The following TRIM44 variants were observed in gnomAD, a reference collection of about 807,000 sequenced individuals.
The protein encoded by TRIM44 is tripartite motif-containing protein 44.
In TRIM44, 13 loss-of-function variants were observed where a neutral mutation model predicts 37.4. That is an observed-to-expected ratio of 0.35 (90% CI 0.23 to 0.55). The LOEUF (loss-of-function observed/expected upper bound fraction) is 0.55, where lower values mean the gene tolerates loss of function less well. Ranked by LOEUF, TRIM44 falls within the 20% of genes least tolerant of loss-of-function variation. The probability of loss-of-function intolerance (pLI) is 0.89; values close to 1 mark genes in which losing one functional copy is unlikely to be tolerated. For synonymous variants in TRIM44, 175 were observed against 157.2 expected, an observed-to-expected ratio of 1.11 and a Z score of -0.85; for missense variants, 426 against 437.2, an observed-to-expected ratio of 0.97 and a Z score of 0.23.
At chr11:35,742,461 A>G (rs1191307363) in intron 4 of TRIM44, among the ~76,000 whole-genome samples, 1 of 136,578 alleles carries the variant, frequency 7.3e-6, no homozygotes, top group African/African-American at 2.8e-5. Context: ...TATATTAATT[A>G]CAATTAATAT....
intron 4 of TRIM44, among the ~76,000 whole-genome samples, chr11:35,764,612 G>A (rs1852769499): frequency 6.6e-6 from 1 of 152,240 alleles, no homozygotes; most frequent in Non-Finnish European, 1.5e-5. Context: ...GGCAGAACCC[G>A]TTCGGCATCA....
intron 3 of TRIM44, among the ~76,000 whole-genome samples, chr11:35,733,314 C>G (rs1852287496): frequency 6.6e-6 from 1 of 152,074 alleles, no homozygotes; most frequent in Non-Finnish European, 1.5e-5. Context: ...GGAGGACTTG[C>G]TCTAAATTAT....
At chr11:35,696,634 G>A (rs756671594) in intron 2 of TRIM44, among the ~76,000 whole-genome samples, 1 of 151,352 alleles carries the variant, frequency 6.6e-6, no homozygotes, top group Non-Finnish European at 1.5e-5. Flanking sequence ...GGATCACGAG[G>A]TCAAGAGATC....
intron 1 of TRIM44, among the ~76,000 whole-genome samples, chr11:35,676,389 C>A (rs77521176): frequency 7.9e-5 from 12 of 152,332 alleles, no homozygotes; most frequent in Non-Finnish European, 1.6e-4. Context: ...TCCCCCTCTC[C>A]TTCTGTTCCT....
chr11:35,696,521 CT>C (rs993290120), intron 2 of TRIM44, among the ~76,000 whole-genome samples: 1 of 152,036 alleles, frequency 6.6e-6, no homozygotes, highest in East Asian at 1.9e-4. Context: ...TGTCTCTTGT[CT>C]TTCCCCCAGC....
intron 4 of TRIM44, among the ~76,000 whole-genome samples, chr11:35,797,977 A>C (rs1277342647): frequency 1.3e-5 from 2 of 152,236 alleles, no homozygotes; most frequent in Non-Finnish European, 2.9e-5. Flanking sequence ...CACACCCATG[A>C]CACAGCCTCA....
intron 4 of TRIM44, among the ~76,000 whole-genome samples, chr11:35,754,715 G>A (rs995306698): frequency 1.4e-5 from 2 of 142,928 alleles, no homozygotes; most frequent in Non-Finnish European, 3.0e-5. Flanking sequence ...CCATGAGTTC[G>A]CATTGTTCAA....
intron 4 of TRIM44, among the ~76,000 whole-genome samples, chr11:35,763,730 C>CT (rs1481203205): frequency 1.3e-5 from 2 of 152,200 alleles, no homozygotes; most frequent in Admixed American, 1.3e-4. Flanking sequence ...CATTTGTCTG[C>CT]TTCTATTGGG....
intron 4 of TRIM44, among the ~76,000 whole-genome samples, chr11:35,783,770 C>A: frequency 6.6e-6 from 1 of 152,146 alleles, no homozygotes; most frequent in East Asian, 1.9e-4. Context: ...GGAGGTAATT[C>A]ACTATGCCTA....
chr11:35,812,952 T>C lies in TRIM44; in HGVS notation c.*6567T>C, dbSNP rs144191764. The stretch of plus-strand genomic sequence containing the variant: ...CAACGAGAGGCAAAACCATGTCTTC[T>C]TTTGCTATAGCGTTAGAATCCTGAA... On this transcript the variant is annotated 3_prime_UTR_variant, in exon 5 of 5. Transcript: ENST00000299413. The C allele has an allele frequency of 5.9e-5, 9 of 152,324 alleles. No individual in the cohort carries two copies. The highest frequency in any genetic ancestry group is 1.9e-4 in the African/African-American group (8 of 41,564). The allele number at this position is 152,324 out of a possible 1,614,324, so 9.4% of individuals were successfully genotyped here.
rs1853514339 is a variant in TRIM44, at chr11:35,810,390, T to G, written c.*4005T>G. The G allele has an allele frequency of 1.3e-5, 2 of 152,122 alleles. No individual in the cohort carries two copies. The highest frequency in any genetic ancestry group is 1.5e-5 in the Non-Finnish European group (1 of 68,024). 9.4% of individuals were successfully genotyped at this position (152,122 alleles called of 1,614,324 possible). On this transcript the variant is annotated 3_prime_UTR_variant, in exon 5 of 5. Coordinates refer to ENST00000299413, the MANE Select transcript of TRIM44 (RefSeq NM_017583.6). ...CATCAGATTTTTATGTTTAAAAAAATCTCATTATGGATTGAGTCCAGCCCA... is the reference window on the plus strand; with the variant it reads ...CATCAGATTTTTATGTTTAAAAAAAGCTCATTATGGATTGAGTCCAGCCCA...
At chr11:35,704,575 C>G (rs888236935) in intron 2 of TRIM44, among the ~76,000 whole-genome samples, 1 of 152,170 alleles carries the variant, frequency 6.6e-6, no homozygotes. Context: ...GGCAGAAACT[C>G]TACAAGCCAG....
rs916843196 is a variant in TRIM44, at chr11:35,813,421, G to T, written c.*7036G>T. 1 of 152,124 alleles carries T rather than the reference G, an allele frequency of 6.6e-6. No individual in the cohort carries two copies. The highest frequency in any genetic ancestry group is 1.5e-5 in the Non-Finnish European group (1 of 68,038). The allele number at this position is 152,124 out of a possible 1,614,324, so 9.4% of individuals were successfully genotyped here. ...CATGAAGCAAACGCATAAGACAAAG[G>T]CCATACATCTAGTCATCAGGCACCT... is the stretch of plus-strand genomic sequence containing the variant. On this transcript the variant is annotated 3_prime_UTR_variant, in exon 5 of 5. Transcript: ENST00000299413.
intron 4 of TRIM44, among the ~76,000 whole-genome samples, chr11:35,789,857 C>A (rs1052337918): frequency 1.3e-5 from 2 of 151,154 alleles, no homozygotes; most frequent in African/African-American, 4.9e-5. Flanking sequence ...CACTTGATTT[C>A]TATTGAAATC....
At chr11:35,716,731 G>A (rs1222210003) in intron 2 of TRIM44, among the ~76,000 whole-genome samples, 1 of 152,150 alleles carries the variant, frequency 6.6e-6, no homozygotes, top group African/African-American at 2.4e-5. Context: ...GTCATTAAGG[G>A]GAATAGAGGA....
At chr11:35,721,819 T>C (rs751009286) in intron 2 of TRIM44, among the ~76,000 whole-genome samples, 5 of 152,168 alleles carry the variant, frequency 3.3e-5, no homozygotes, top group Non-Finnish European at 7.4e-5. Flanking sequence ...GCCTGGTGGG[T>C]GGGCAGTTGT....
At chr11:35,776,844 T>G (rs1343520474) in intron 4 of TRIM44, among the ~76,000 whole-genome samples, 1 of 152,230 alleles carries the variant, frequency 6.6e-6, no homozygotes, top group Non-Finnish European at 1.5e-5. Flanking sequence ...TTCTGTTCTT[T>G]TACATTTGCT....
At position 35,662,920 on chromosome 11, in the gene TRIM44, G is replaced by A. The variant is rs1288484042; in HGVS notation, c.-192G>A. On this transcript the variant is annotated 5_prime_UTR_variant, in exon 1 of 5. Coordinates refer to ENST00000299413, the MANE Select transcript of TRIM44 (RefSeq NM_017583.6). ...ACAGAGCGGAGCAGGCCGAGCCGGCGGAAAGGGTCTTTGCTGCTGCGCCCG... is the reference window on the plus strand; with the variant it reads ...ACAGAGCGGAGCAGGCCGAGCCGGCAGAAAGGGTCTTTGCTGCTGCGCCCG... 7 of 948,402 alleles carry A rather than the reference G, an allele frequency of 7.4e-6. No homozygotes were observed. The East Asian group carries it at 1.5e-4, about 21-fold the overall frequency. 58.7% of individuals were successfully genotyped at this position (948,402 alleles called of 1,614,324 possible).
chr11:35,683,216 T>C (rs538034070), intron 1 of TRIM44, among the ~76,000 whole-genome samples: 3 of 152,260 alleles, frequency 2.0e-5, no homozygotes, highest in Non-Finnish European at 2.9e-5. Context: ...ACCACAGAGA[T>C]TAAAGACTAA....
Sources: gnomAD v4.1 joint callset for allele counts (sites outside exome capture counted in the v4.1 genomes callset) on GRCh38, gnomAD v4.1.1 for gene constraint, MANE v1.5 for transcripts, NCBI Gene and HGNC (gene_info 2026-07-23, HGNC 2026-07-21) for gene names.